The following BOC variants were observed in gnomAD, a reference collection of about 807,000 sequenced individuals.
BOC encodes the protein brother of CDO.
BOC carries 76 observed loss-of-function variants against 112.0 expected under a neutral mutation model. That is an observed-to-expected ratio of 0.68 (90% CI 0.56 to 0.82). BOC has a LOEUF of 0.82. Ranked by LOEUF, BOC falls within the 40% of genes least tolerant of loss-of-function variation. The pLI is 0.00. For missense variants in BOC, 1,309 were observed against 1,511.7 expected (o/e 0.87, Z 2.22); for synonymous variants, 580 against 599.8 (o/e 0.97, Z 0.48).
At chr3:113,264,122 A>C (rs1437021444) in intron 4 of BOC, among the ~76,000 whole-genome samples, 1 of 152,236 alleles carries the variant, frequency 6.6e-6, no homozygotes, top group Non-Finnish European at 1.5e-5. Flanking sequence ...CTCAGAAATC[A>C]CAAAGCTCTG....
chr3:113,223,643 A>T (rs1228790815), intron 2 of BOC, among the ~76,000 whole-genome samples: 1 of 151,954 alleles, frequency 6.6e-6, no homozygotes, highest in Admixed American at 6.6e-5. Flanking sequence ...GCAACCGCTG[A>T]TCTACTATTG....
chr3:113,279,857 A>C lies in BOC; in HGVS notation c.2057A>C (p.Asn686Thr). The C allele has an allele frequency of 6.2e-7, 1 of 1,611,648 alleles. No individual in the cohort carries two copies. The highest frequency in any genetic ancestry group is 1.3e-5 in the African/African-American group (1 of 74,870). ...TSYKFRVRAL[N>T]MLGESEPSAP... ...TACAAGTTTCGAGTCCGGGCTCTGA[A>C]CATGCTGGGGGAGAGCGAGCCCAGC... Residue 686 changes from asparagine to threonine, a missense_variant, in exon 13 of 20, where the codon AAC becomes ACC. Coordinates refer to ENST00000682979, the MANE Select transcript of BOC (RefSeq NM_001378074.1).
At chr3:113,234,676 T>A (rs1943180370) in intron 2 of BOC, among the ~76,000 whole-genome samples, 1 of 152,228 alleles carries the variant, frequency 6.6e-6, no homozygotes, top group African/African-American at 2.4e-5. Context: ...CAGCACTGAA[T>A]TGCGCCCAGT....
At chr3:113,239,126 C>T (rs1301836570) in intron 2 of BOC, among the ~76,000 whole-genome samples, 1 of 152,146 alleles carries the variant, frequency 6.6e-6, no homozygotes, top group Non-Finnish European at 1.5e-5. Context: ...GTAAAAACAT[C>T]TCAATTTTTA....
intron 1 of BOC, among the ~76,000 whole-genome samples, chr3:113,213,776 A>C (rs1308693268): frequency 2.0e-5 from 3 of 152,216 alleles, no homozygotes; most frequent in African/African-American, 7.2e-5. Flanking sequence ...CAGAAACAGC[A>C]GTAGAGTTAT....
chr3:113,255,044 C>T (rs189212206), intron 4 of BOC, among the ~76,000 whole-genome samples: 3 of 152,266 alleles, frequency 2.0e-5, no homozygotes, highest in African/African-American at 2.4e-5. Flanking sequence ...GCTGCATGCT[C>T]TGTGGAGGTG....
rs151097623 is a variant in BOC, at chr3:113,248,857, G to A, written c.-81-865G>A. On this transcript the variant is annotated intron_variant, in intron 2 of 19. Transcript: ENST00000682979. Reference sequence around the variant, plus strand: ...GATGGCTGGAGGTGCAGTGTGGTCTGAGCCTCAAAGCAATGTTGTTCTGGG... The same window carrying A: ...GATGGCTGGAGGTGCAGTGTGGTCTAAGCCTCAAAGCAATGTTGTTCTGGG... 3.8e-3 allele frequency among the ~76,000 whole-genome samples: 572 copies of A among 152,298 alleles called. 4 individuals are homozygous for A. Among genetic ancestry groups the A allele is most frequent in the Non-Finnish European group, 6.4e-3 (438 of 68,020 alleles).
Position 113,287,359 on chromosome 3 carries a change from TA to T in BOC, c.*503del, listed in dbSNP as rs1344338072. 3 of 162,704 alleles carry T rather than the reference TA, an allele frequency of 1.8e-5. No individual in the cohort carries two copies. The highest frequency in any genetic ancestry group is 1.3e-5 in the Non-Finnish European group (1 of 74,200). The allele number at this position is 162,704 out of a possible 1,614,324, so 10.1% of individuals were successfully genotyped here. A position where few individuals can be genotyped will look rare whatever the true frequency, so the allele number is the denominator to read the frequency against. ...AAGATGTGTACAGCACTATGAGCAT[TA>T]AAAAACCTTCCAGAATCAATAATCC... On this transcript the variant is annotated 3_prime_UTR_variant, in exon 20 of 20. Transcript: ENST00000682979.
At chr3:113,277,683 T>C (rs757514960) in intron 9 of BOC, among the ~76,000 whole-genome samples, 3 of 152,276 alleles carry the variant, frequency 2.0e-5, no homozygotes, top group Admixed American at 6.5e-5. Context: ...ATACTTTCGT[T>C]ACCTTTCTCA....
intron 2 of BOC, among the ~76,000 whole-genome samples, chr3:113,217,609 G>T (rs1233364296): frequency 6.6e-6 from 1 of 152,032 alleles, no homozygotes; most frequent in Non-Finnish European, 1.5e-5. Flanking sequence ...CTCAGGCAAA[G>T]TCTTAAAAGC....
At chr3:113,248,978 G>C (rs1945280185) in intron 2 of BOC, among the ~76,000 whole-genome samples, 1 of 152,160 alleles carries the variant, frequency 6.6e-6, no homozygotes, top group African/African-American at 2.4e-5. Flanking sequence ...GTGGGAGCTA[G>C]TGAGTGAAGC....
chr3:113,279,472 A>ACCGTGG lies in BOC; in HGVS notation c.2023+20_2023+25dup. The ACCGTGG allele has an allele frequency of 6.2e-7, 1 of 1,609,574 alleles. No individual in the cohort carries two copies. ...TAGAGAAAGGTAGGGGCCTGGCCAC[A>ACCGTGG]CCGTGGCCTTGGCCTGATCCCCCAG... On this transcript the variant is annotated intron_variant, in intron 12 of 19. Coordinates refer to ENST00000682979, the MANE Select transcript of BOC (RefSeq NM_001378074.1).
chr3:113,249,599 C>T (rs563269888), intron 2 of BOC, 123 bp from the exon 3 acceptor site: 274 of 494,732 alleles, frequency 5.5e-4, no homozygotes, highest in African/African-American at 5.0e-3. Flanking sequence ...GCAGCATGAC[C>T]GGGTCTCTAG....
chr3:113,228,508 A>C (rs1942048446), intron 2 of BOC, among the ~76,000 whole-genome samples: 1 of 152,110 alleles, frequency 6.6e-6, no homozygotes, highest in Non-Finnish European at 1.5e-5. Flanking sequence ...TGAAGACTCC[A>C]TCTCCAGACC....
chr3:113,286,790 G>A lies in BOC; in HGVS notation c.3276G>A (p.Gln1092=). ...ACCCCGTAGGGGCCTACGTAGGACA[G>A]GAACCTGGAATGCAGCTCTCCCCGG... ...PQHPVGAYVG[Q]EPGMQLSPGP... The change falls in exon 20 of 20, where the codon CAG becomes CAA. Residue 1092 remains glutamine (Q), a synonymous_variant. Transcript: ENST00000682979. 2 of 1,613,280 alleles carry A rather than the reference G, an allele frequency of 1.2e-6. No individual in the cohort carries two copies. The highest frequency in any genetic ancestry group is 1.7e-6 in the Non-Finnish European group (2 of 1,179,622).
chr3:113,243,063 G>A lies in BOC; in HGVS notation c.-81-6659G>A, dbSNP rs551140256. ...ATCTCCATGGGTAAACGGCTTGACA[G>A]TGTGGGGGCCTCACTCGTTCATTCA... On this transcript the variant is annotated intron_variant, in intron 2 of 19. Transcript: ENST00000682979. Among the ~76,000 whole-genome samples, 11 of 152,306 alleles carry A rather than the reference G, an allele frequency of 7.2e-5. No homozygotes were observed. In the East Asian group the frequency reaches 1.7e-3, roughly 24 times the overall value.
chr3:113,244,184 C>T (rs937930622), intron 2 of BOC, among the ~76,000 whole-genome samples: 2 of 152,202 alleles, frequency 1.3e-5, no homozygotes, highest in African/African-American at 4.8e-5. Flanking sequence ...TTGCTGGGTG[C>T]TAGTGAATTT....
At chr3:113,229,223 G>A (rs538634438) in intron 2 of BOC, among the ~76,000 whole-genome samples, 2 of 152,226 alleles carry the variant, frequency 1.3e-5, no homozygotes, top group African/African-American at 2.4e-5. Context: ...TTTCAGTGGA[G>A]CCAAAGCCCT....
Position 113,273,198 on chromosome 3 carries a change from T to C in BOC, c.1091T>C (p.Ile364Thr), listed in dbSNP as rs750153821. The stretch of plus-strand genomic sequence containing the variant: ...TGGCTGAGGAATGCTGTGCCCCTCA[T>C]CTCCAGCCAGCGCCTCCGGCTCTCC... ...VLWLRNAVPLISSQRLRLSRR... is the reference protein window; with the variant it reads ...VLWLRNAVPLTSSQRLRLSRR... Residue 364 changes from isoleucine (I) to threonine (T), a missense_variant, in exon 8 of 20, where the codon ATC (isoleucine) becomes ACC (threonine). Ile to Thr is a moderately conservative substitution (Grantham distance 89). Transcript: ENST00000682979. 1.5e-5 allele frequency: 24 copies of C among 1,613,704 alleles called. No individual in the cohort carries two copies. Among genetic ancestry groups the C allele is most frequent in the Non-Finnish European group, 1.9e-5 (22 of 1,180,004 alleles).
Sources: allele counts gnomAD v4.1 joint callset (sites outside exome capture counted in the v4.1 genomes callset), GRCh38; gene constraint gnomAD v4.1.1; transcripts MANE v1.5; gene names NCBI Gene and HGNC (gene_info 2026-07-23, HGNC 2026-07-21).